SYN3: variants seen among roughly 807,000 people sequenced by gnomAD.
The protein encoded by SYN3 is synapsin III.
In SYN3, 35 loss-of-function variants were observed where a neutral mutation model predicts 65.8. The ratio of observed to expected loss-of-function variants is 0.53; its 90% CI spans 0.41 to 0.70. The LOEUF (loss-of-function observed/expected upper bound fraction) is 0.70. Among genes scored for constraint, SYN3 ranks in the 30% least tolerant of loss-of-function variants. SYN3 has a pLI of 0.00. For missense variants in SYN3, 680 were observed against 749.0 expected (o/e 0.91, Z 1.08); for synonymous variants, 270 against 292.9 (o/e 0.92, Z 0.80).
intron 6 of SYN3, among the ~76,000 whole-genome samples, chr22:32,652,361 C>T (rs980428376): frequency 6.6e-6 from 1 of 151,014 alleles, no homozygotes; most frequent in Non-Finnish European, 1.5e-5. Flanking sequence ...CTTTCCCACA[C>T]CTAAGTCTGC....
chr22:32,580,648 C>T (rs12169252), intron 7 of SYN3, among the ~76,000 whole-genome samples: 4 of 151,946 alleles, frequency 2.6e-5, no homozygotes, highest in African/African-American at 7.3e-5. Flanking sequence ...CAATATTATT[C>T]GAAGTGGGAA....
Position 32,992,039 on chromosome 22 carries a change from G to C in SYN3, c.312-11337C>G, listed in dbSNP as rs559774433. 1.3e-3 allele frequency among the ~76,000 whole-genome samples: 203 copies of C among 152,296 alleles called. 1 individual carries two copies. The highest frequency in any genetic ancestry group is 2.4e-3 in the Non-Finnish European group (166 of 68,024). ...GAGTAGCTATTGCTCAAGAAGACCC[G>C]TGCATCCGAGGGACTCTTTGGAAAA... On this transcript the variant is annotated intron_variant, in intron 2 of 13. Transcript: ENST00000358763.
At chr22:32,676,528 CTTTTTTTTTTTTTTTTTTTT>C (rs879196572) in intron 6 of SYN3, among the ~76,000 whole-genome samples, 2 of 88,932 alleles carry the variant, frequency 2.2e-5, no homozygotes, top group African/African-American at 1.0e-4. Context: ...TCTTTTCTTT[CTTTTTTTTTTTTTTTTTTTT>C]TTTTTTTTTG....
intron 6 of SYN3, among the ~76,000 whole-genome samples, chr22:32,724,490 T>G (rs2061162774): frequency 6.6e-6 from 1 of 152,192 alleles, no homozygotes; most frequent in African/African-American, 2.4e-5. Context: ...CCTCAGTGTC[T>G]TCTTCTCCTT....
At chr22:32,688,111 G>A (rs1201472988) in intron 6 of SYN3, among the ~76,000 whole-genome samples, 1 of 152,162 alleles carries the variant, frequency 6.6e-6, no homozygotes, top group Non-Finnish European at 1.5e-5. Flanking sequence ...CACTCAATAC[G>A]TTGAATGCTG....
chr22:32,992,377 T>C (rs1327598420), intron 2 of SYN3, among the ~76,000 whole-genome samples: 1 of 152,202 alleles, frequency 6.6e-6, no homozygotes, highest in Non-Finnish European at 1.5e-5. Flanking sequence ...ACTTTGCCAA[T>C]TAGATGAATT....
At chr22:32,514,559 C>G (rs985992774) in intron 13 of SYN3, 2 of 152,246 alleles carry the variant, frequency 1.3e-5, no homozygotes, top group Non-Finnish European at 2.9e-5. Context: ...GCTTGCTGAG[C>G]ACTTCCCCTG....
At chr22:32,757,130 C>T (rs976999100) in intron 6 of SYN3, among the ~76,000 whole-genome samples, 1 of 151,874 alleles carries the variant, frequency 6.6e-6, no homozygotes, top group Non-Finnish European at 1.5e-5. Context: ...CCTAGTGATC[C>T]ACTAGCATGA....
Position 32,765,580 on chromosome 22 carries a change from G to A in SYN3, c.711+99335C>T, listed in dbSNP as rs981944199. 3.9e-5 allele frequency among the ~76,000 whole-genome samples: 6 copies of A among 152,312 alleles called. No homozygotes were observed. In the East Asian group the frequency reaches 5.8e-4, roughly 15 times the overall value. On this transcript the variant is annotated intron_variant, in intron 6 of 13. Coordinates refer to ENST00000358763, the MANE Select transcript of SYN3 (RefSeq NM_003490.4). ...GACAGGCGAGAGGGTGACAGTGGAG[G>A]AGGGTCGCATAGCAAGGAGGGTTCG...
At chr22:32,857,466 A>T in intron 6 of SYN3, 1 of 858,832 alleles carries the variant, frequency 1.2e-6, no homozygotes, top group Non-Finnish European at 2.0e-6. Flanking sequence ...TGTCCAGTAA[A>T]TTGTAAGGAG....
chr22:32,733,259 CAACCAGGA>C (rs1240715134), intron 6 of SYN3, among the ~76,000 whole-genome samples: 1 of 152,158 alleles, frequency 6.6e-6, no homozygotes, highest in East Asian at 1.9e-4. Flanking sequence ...TTATCTTACC[CAACCAGGA>C]TTTGTCAAGG....
chr22:32,932,730 C>T (rs751126382), intron 3 of SYN3, among the ~76,000 whole-genome samples: 17 of 152,190 alleles, frequency 1.1e-4, no homozygotes, highest in Non-Finnish European at 1.9e-4. Flanking sequence ...AGATGACATG[C>T]TCCCTGGGAT....
chr22:32,733,322 G>A (rs148628266), intron 6 of SYN3, among the ~76,000 whole-genome samples: 123 of 152,340 alleles, frequency 8.1e-4, no homozygotes, highest in Non-Finnish European at 1.5e-3. Flanking sequence ...TTATGATGAT[G>A]CATAGATATT....
At chr22:32,991,736 C>G (rs1358979154) in intron 2 of SYN3, among the ~76,000 whole-genome samples, 1 of 152,172 alleles carries the variant, frequency 6.6e-6, no homozygotes, top group African/African-American at 2.4e-5. Flanking sequence ...TAAGCCTATT[C>G]TGAAGATGGC....
chr22:32,850,759 T>G (rs1383786468), intron 6 of SYN3, among the ~76,000 whole-genome samples: 1 of 152,046 alleles, frequency 6.6e-6, no homozygotes, highest in Non-Finnish European at 1.5e-5. Context: ...AGTGACTTGG[T>G]GAATGCTTAT....
chr22:32,694,965 A>C (rs2060716114), intron 6 of SYN3, among the ~76,000 whole-genome samples: 2 of 152,194 alleles, frequency 1.3e-5, no homozygotes, highest in African/African-American at 2.4e-5. Flanking sequence ...TCCTTTTGGC[A>C]CTAAAGGATA....
At chr22:32,520,917 A>G (rs2057869820) in intron 12 of SYN3, among the ~76,000 whole-genome samples, 1 of 152,204 alleles carries the variant, frequency 6.6e-6, no homozygotes, top group Non-Finnish European at 1.5e-5. Context: ...AAATAAGGTC[A>G]TTGGACTGAA....
intron 6 of SYN3, among the ~76,000 whole-genome samples, chr22:32,636,696 C>A (rs2059822077): frequency 6.6e-6 from 1 of 152,142 alleles, no homozygotes; most frequent in African/African-American, 2.4e-5. Context: ...TTTCATTTTT[C>A]TTTGCCTTGG....
intron 3 of SYN3, among the ~76,000 whole-genome samples, chr22:32,932,363 G>A (rs1320621772): frequency 6.6e-6 from 1 of 151,856 alleles, no homozygotes; most frequent in East Asian, 1.9e-4. Flanking sequence ...CAGTTGATGG[G>A]GTAAGCATCT....
Sources: allele counts gnomAD v4.1 joint callset (sites outside exome capture counted in the v4.1 genomes callset), GRCh38; gene constraint gnomAD v4.1.1; transcripts MANE v1.5; gene names NCBI Gene and HGNC (gene_info 2026-07-23, HGNC 2026-07-21).